Variants in PIGZ observed in about 807,000 individuals in gnomAD.
The protein encoded by PIGZ is phosphatidylinositol glycan anchor biosynthesis class Z (Gwada blood group).
Under a neutral mutation model 16.4 loss-of-function variants are expected in PIGZ, and 16 were observed. That is an observed-to-expected ratio of 0.97 (90% CI 0.66 to 1.48). PIGZ has a LOEUF of 1.48. PIGZ is among the 40% of genes most tolerant of loss of function. The probability of loss-of-function intolerance (pLI) is 0.00; values close to 1 mark genes in which losing one functional copy is unlikely to be tolerated. For synonymous variants in PIGZ, 409 were observed against 338.4 expected (o/e 1.21, Z -2.29); for missense variants, 770 against 739.2 (o/e 1.04, Z -0.48).
At chr3:196,953,943 T>C (rs1311454406) in intron 1 of PIGZ, among the ~76,000 whole-genome samples, 1 of 151,524 alleles carries the variant, frequency 6.6e-6, no homozygotes, top group African/African-American at 2.4e-5. Context: ...CAGAGAGCTA[T>C]GATCACACTA....
chr3:196,968,207 G>T (rs950923650), intron 1 of PIGZ, among the ~76,000 whole-genome samples: 1 of 152,188 alleles, frequency 6.6e-6, no homozygotes, highest in Non-Finnish European at 1.5e-5. Flanking sequence ...TGCAGCCCCC[G>T]AGGCCGGGAG....
At chr3:196,968,607 G>A (rs1718035922) in intron 1 of PIGZ, 80 bp downstream of exon 1, 1 of 152,364 alleles carries the variant, frequency 6.6e-6, no homozygotes, top group African/African-American at 2.4e-5. Context: ...TGCGCGCAAG[G>A]TGGGAACGCG....
At chr3:196,967,273 A>T (rs1717968876) in intron 1 of PIGZ, among the ~76,000 whole-genome samples, 2 of 152,100 alleles carry the variant, frequency 1.3e-5, no homozygotes, top group African/African-American at 4.8e-5. Context: ...TCCGGCGCCC[A>T]GGTGTGTGCG....
chr3:196,955,114 C>CA (rs1412923381), intron 1 of PIGZ, among the ~76,000 whole-genome samples: 3 of 152,096 alleles, frequency 2.0e-5, no homozygotes, highest in African/African-American at 7.2e-5. Flanking sequence ...TTTGTAGAGA[C>CA]AAAGTCTTGC....
chr3:196,950,501 C>T (rs143887019), intron 2 of PIGZ, among the ~76,000 whole-genome samples: 3 of 152,318 alleles, frequency 2.0e-5, no homozygotes, highest in African/African-American at 7.2e-5. Flanking sequence ...GCCTGCGGAT[C>T]ATTCGGGCTC....
rs1301183030 is a variant in PIGZ at position 196,947,221 on chromosome 3, A to G, written c.1676T>C (p.Leu559Ser). Residue 559 changes from leucine (L) to serine (S), a missense_variant, in exon 3 of 3, where the codon TTG becomes TCG. By Grantham distance (145) the Leu-to-Ser change is moderately radical. Transcript: ENST00000412723. ...TLEDPPALSS[L>S]LSGAWRDHLS... Reference sequence around the variant, plus strand: ...GTGGTCCCTCCAAGCCCCACTCAGCAAGGAGGACAGGGCTGGTGGATCCTC... The same window carrying G: ...GTGGTCCCTCCAAGCCCCACTCAGCGAGGAGGACAGGGCTGGTGGATCCTC... The G allele has an allele frequency of 6.2e-7, 1 of 1,604,662 alleles. No homozygotes were observed. Among genetic ancestry groups the G allele is most frequent in the Non-Finnish European group, 8.5e-7 (1 of 1,174,940 alleles).
rs530648802 is a variant in PIGZ, at chr3:196,965,815, T to C, written c.-1+2872A>G. Reference sequence around the variant, plus strand: ...GCAATCATTTTCTGTGGATGAATAATGAGGGAGATGGTAAGAAGCATGACC... The same window carrying C: ...GCAATCATTTTCTGTGGATGAATAACGAGGGAGATGGTAAGAAGCATGACC... On this transcript the variant is annotated intron_variant, in intron 1 of 2. Transcript: ENST00000412723. This position sits in a 1 kb window ranked among gnomAD's most constrained non-coding sequence, Gnocchi z 4.2. Among the ~76,000 whole-genome samples, 4 of 152,156 alleles carry C rather than the reference T, an allele frequency of 2.6e-5. No homozygotes were observed. Among genetic ancestry groups the C allele is most frequent in the Non-Finnish European group, 5.9e-5 (4 of 68,036 alleles).
intron 1 of PIGZ, among the ~76,000 whole-genome samples, chr3:196,952,640 G>C (rs1717335169): frequency 6.6e-6 from 1 of 152,192 alleles, no homozygotes; most frequent in Admixed American, 6.5e-5. Flanking sequence ...GTTTCATCAT[G>C]TTGGTGAGGC....
chr3:196,951,767 C>G, intron 2 of PIGZ, 54 bp downstream of exon 2: 1 of 1,576,986 alleles, frequency 6.3e-7, no homozygotes, highest in Non-Finnish European at 8.7e-7. Context: ...CTCCCGTCAG[C>G]TTCTCAAGCA....
intron 1 of PIGZ, among the ~76,000 whole-genome samples, chr3:196,963,441 A>C (rs1455326556): frequency 6.6e-6 from 1 of 152,096 alleles, no homozygotes; most frequent in Non-Finnish European, 1.5e-5. Context: ...TCTAACCAAC[A>C]CTTGTTATCT....
In PIGZ at chr3:196,946,950, G is replaced by A. The variant is rs545945395; in HGVS notation, c.*207C>T. 226 of 498,646 alleles carry A rather than the reference G, an allele frequency of 4.5e-4. 1 individual carries two copies. The highest frequency in any genetic ancestry group is 1.0e-3 in the South Asian group (26 of 25,334). The allele number at this position is 498,646 out of a possible 1,614,324, so 30.9% of individuals were successfully genotyped here. On this transcript the variant is annotated 3_prime_UTR_variant, in exon 3 of 3. Coordinates refer to ENST00000412723, the MANE Select transcript of PIGZ (RefSeq NM_025163.4). ...CTTTGGGGACCTTGACATCAAGACCGACAGGTCAAATCTTTGGTCTCAGGG... is the reference window on the plus strand; with the variant it reads ...CTTTGGGGACCTTGACATCAAGACCAACAGGTCAAATCTTTGGTCTCAGGG...
chr3:196,951,692 G>A (rs994975272), intron 2 of PIGZ, 129 bp downstream of exon 2: 1 of 846,204 alleles, frequency 1.2e-6, no homozygotes, highest in Non-Finnish European at 1.9e-6. Context: ...AGAGAGAGAG[G>A]CTGCTGCTCT....
At chr3:196,949,555 G>A (rs1278073900) in intron 2 of PIGZ, among the ~76,000 whole-genome samples, 2 of 152,222 alleles carry the variant, frequency 1.3e-5, no homozygotes, top group African/African-American at 4.8e-5. Flanking sequence ...ACTCAGCCCA[G>A]TCCATACGCT....
chr3:196,949,053 C>T (rs1421468385), intron 2 of PIGZ, among the ~76,000 whole-genome samples: 2 of 61,962 alleles, frequency 3.2e-5, no homozygotes, highest in African/African-American at 2.1e-4. Flanking sequence ...CTTCCCTTCC[C>T]TTCCTTCCCC....
intron 1 of PIGZ, among the ~76,000 whole-genome samples, chr3:196,967,971 G>A (rs1316611034): frequency 2.0e-5 from 3 of 152,234 alleles, no homozygotes; most frequent in African/African-American, 7.2e-5. Context: ...CGAGGCAAAG[G>A]TGTCTGGGGC....
chr3:196,967,036 T>G (rs1717958101), intron 1 of PIGZ, among the ~76,000 whole-genome samples: 1 of 150,702 alleles, frequency 6.6e-6, no homozygotes, highest in African/African-American at 2.4e-5. Flanking sequence ...TGTGGGAGAA[T>G]GTGTAGGGCA....
intron 1 of PIGZ, among the ~76,000 whole-genome samples, chr3:196,966,862 C>T (rs1433254944): frequency 6.6e-6 from 1 of 152,132 alleles, no homozygotes; most frequent in Admixed American, 6.5e-5. Flanking sequence ...AGCACGGGTC[C>T]AAATCCTGCA....
chr3:196,966,287 A>G lies in PIGZ; in HGVS notation c.-1+2400T>C, dbSNP rs1016704848. Reference sequence around the variant, plus strand: ...ACTCAATCTCTCTGAACCCCAATTTATACCTCAGCTTTAAAACAAGTACCT... The same window carrying G: ...ACTCAATCTCTCTGAACCCCAATTTGTACCTCAGCTTTAAAACAAGTACCT... On this transcript the variant is annotated intron_variant, in intron 1 of 2. Coordinates refer to ENST00000412723, the MANE Select transcript of PIGZ (RefSeq NM_025163.4). 3.3e-5 allele frequency among the ~76,000 whole-genome samples: 5 copies of G among 152,332 alleles called. No homozygotes were observed. The East Asian group carries it at 9.6e-4, about 29-fold the overall frequency.
rs761636326 is a variant in PIGZ at position 196,947,438 on chromosome 3, T to C, written c.1459A>G (p.Met487Val). Reference protein sequence around the residue: ...GLGAPVEVVDMGGTEDWALCQ... With the variant: ...GLGAPVEVVDVGGTEDWALCQ... ...AGGGCCCAGTCCTCAGTCCCCCCCA[T>C]GTCCACCACCTCCACTGGTGCCCCC... is the stretch of plus-strand genomic sequence containing the variant. Residue 487 changes from methionine (M) to valine (V), a missense_variant, in exon 3 of 3, where the codon ATG becomes GTG. Physicochemically the swap from Met to Val is conservative, Grantham distance 21. Coordinates refer to ENST00000412723, the MANE Select transcript of PIGZ (RefSeq NM_025163.4). The C allele has an allele frequency of 6.2e-7, 1 of 1,613,588 alleles. No individual in the cohort carries two copies. Among genetic ancestry groups the C allele is most frequent in the African/African-American group, 1.3e-5 (1 of 74,930 alleles).
Sources: gnomAD v4.1 joint callset for allele counts (sites outside exome capture counted in the v4.1 genomes callset) on GRCh38, gnomAD v4.1.1 for gene constraint, Gnocchi (gnomAD v3.1) non-coding constraint, MANE v1.5 for transcripts, NCBI Gene and HGNC (gene_info 2026-07-23, HGNC 2026-07-21) for gene names.